Variants in DHX32 observed in about 807,000 individuals in gnomAD.
DHX32 encodes the protein putative pre-mRNA-splicing factor ATP-dependent RNA helicase DHX32.
DHX32 carries 51 observed loss-of-function variants against 70.0 expected under a neutral mutation model. That is an observed-to-expected ratio of 0.73 (90% CI 0.58 to 0.92). DHX32 has a LOEUF of 0.92. Among genes scored for constraint, DHX32 ranks in the 40% least tolerant of loss-of-function variants. The probability of loss-of-function intolerance (pLI) is 0.00; values close to 1 mark genes in which losing one functional copy is unlikely to be tolerated. For synonymous variants in DHX32, 310 were observed against 315.3 expected, an observed-to-expected ratio of 0.98 and a Z score of 0.18; for missense variants, 762 against 891.8, an observed-to-expected ratio of 0.85 and a Z score of 1.85.
chr10:125,884,434 A>C (rs1164739074), upstream of DHX32, among the ~76,000 whole-genome samples: 1 of 152,260 alleles, frequency 6.6e-6, no homozygotes, highest in Non-Finnish European at 1.5e-5. Flanking sequence ...CACTATAAGA[A>C]ATTTAAATCT....
intron 6 of DHX32, among the ~76,000 whole-genome samples, chr10:125,850,689 A>G (rs1027366644): frequency 2.0e-5 from 3 of 152,114 alleles, no homozygotes; most frequent in African/African-American, 7.2e-5. Context: ...CCCTGTTTTC[A>G]TGAGGCGTTG....
chr10:125,894,314 C>G (rs1944392811), intron 1 of DHX32, among the ~76,000 whole-genome samples: 1 of 152,114 alleles, frequency 6.6e-6, no homozygotes, highest in Non-Finnish European at 1.5e-5. Flanking sequence ...TCTCTAAAGC[C>G]CTTCTCACTC....
chr10:125,886,160 T>C (rs1330174301), upstream of DHX32, among the ~76,000 whole-genome samples: 2 of 152,284 alleles, frequency 1.3e-5, no homozygotes, highest in African/African-American at 2.4e-5. Flanking sequence ...TGTTCACCCT[T>C]CTGTATGTCT....
Position 125,838,201 on chromosome 10 carries a change from C to G in DHX32, c.2063+5G>C. 5.1e-6 allele frequency: 8 copies of G among 1,572,926 alleles called. No individual in the cohort carries two copies. The highest frequency in any genetic ancestry group is 6.9e-6 in the Non-Finnish European group (8 of 1,166,222). On this transcript the variant is annotated splice_donor_5th_base_variant and intron_variant, in intron 10 of 10. Coordinates refer to ENST00000284690, the MANE Select transcript of DHX32 (RefSeq NM_018180.3). ...ATACAACCCTTTCTTCTCCATTAAA[C>G]TTACAGTTCAGGAGAGATTTCTGAG...
intron 10 of DHX32, among the ~76,000 whole-genome samples, chr10:125,837,217 C>A (rs1374464990): frequency 1.3e-5 from 2 of 152,124 alleles, no homozygotes; most frequent in Non-Finnish European, 2.9e-5. Context: ...GGTATCTTTG[C>A]TTCTTATTTT....
chr10:125,847,384 T>G (rs1944035221), intron 6 of DHX32, among the ~76,000 whole-genome samples: 1 of 152,160 alleles, frequency 6.6e-6, no homozygotes, highest in Admixed American at 6.5e-5. Context: ...TCAGAAGAAT[T>G]TAATATATCC....
chr10:125,844,113 G>A (rs1423643487), intron 6 of DHX32, among the ~76,000 whole-genome samples: 2 of 152,120 alleles, frequency 1.3e-5, no homozygotes, highest in Non-Finnish European at 2.9e-5. Context: ...TCACAATCAT[G>A]GGAAATAAAC....
At chr10:125,846,692 A>G (rs1944026013) in intron 6 of DHX32, among the ~76,000 whole-genome samples, 1 of 152,200 alleles carries the variant, frequency 6.6e-6, no homozygotes, top group African/African-American at 2.4e-5. Flanking sequence ...TTCCATACTT[A>G]TAGGACAGGA....
intron 6 of DHX32, chr10:125,842,720 C>T (rs1854915864): frequency 3.2e-6 from 2 of 618,528 alleles, no homozygotes; most frequent in Non-Finnish European, 4.0e-6. Flanking sequence ...AAAAATTAAT[C>T]ACAACTGACC....
In DHX32 at chr10:125,857,096, G is replaced by A. The variant is rs1024767098; in HGVS notation, c.849+2507C>T. ...CAAGAAAGCATCAAATAGCATGGGGGGAAATGATCAATAGCTGTTAGCACT... is the reference window on the plus strand; with the variant it reads ...CAAGAAAGCATCAAATAGCATGGGGAGAAATGATCAATAGCTGTTAGCACT... On this transcript the variant is annotated intron_variant, in intron 3 of 10. Transcript: ENST00000284690. 4.6e-5 allele frequency among the ~76,000 whole-genome samples: 7 copies of A among 152,184 alleles called. 1 individual carries two copies.
intron 1 of DHX32, among the ~76,000 whole-genome samples, chr10:125,867,958 T>G (rs1944233408): frequency 6.6e-6 from 1 of 152,190 alleles, no homozygotes; most frequent in Admixed American, 6.5e-5. Context: ...CATTTATATT[T>G]AAATCCAAAT....
intron 1 of DHX32, among the ~76,000 whole-genome samples, chr10:125,892,934 C>A (rs951595112): frequency 2.0e-5 from 3 of 152,078 alleles, no homozygotes; most frequent in African/African-American, 7.2e-5. Flanking sequence ...AAGGTTTGAC[C>A]TCTCTATTAT....
intron 1 of DHX32, among the ~76,000 whole-genome samples, chr10:125,871,047 T>G (rs534610520): frequency 1.3e-5 from 2 of 152,312 alleles, no homozygotes; most frequent in South Asian, 4.1e-4. Context: ...AACTCTAAAA[T>G]TCGACAAGAT....
chr10:125,882,936 A>T (rs1329565466), upstream of DHX32, among the ~76,000 whole-genome samples: 3 of 152,182 alleles, frequency 2.0e-5, no homozygotes, highest in African/African-American at 4.8e-5. Flanking sequence ...CTCAGCCTAC[A>T]TGTAAATTAA....
rs918126546 is a variant in DHX32 at position 125,855,985 on chromosome 10, A to G, written c.850-1782T>C. Among the ~76,000 whole-genome samples the G allele has an allele frequency of 2.8e-4, 43 of 152,208 alleles. 1 individual carries two copies. Among genetic ancestry groups the G allele is most frequent in the Middle Eastern group, 3.2e-3 (1 of 316 alleles). On this transcript the variant is annotated intron_variant, in intron 3 of 10. Coordinates refer to ENST00000284690, the MANE Select transcript of DHX32 (RefSeq NM_018180.3). The stretch of plus-strand genomic sequence containing the variant: ...AAAAAAGAATTTTTAAAATCTTCAG[A>G]AGGGAAAAAGCAGAGCAAAACAGAA...
chr10:125,888,239 C>T (rs1199032747), intron 1 of DHX32, among the ~76,000 whole-genome samples: 1 of 149,554 alleles, frequency 6.7e-6, no homozygotes, highest in Admixed American at 6.6e-5. Flanking sequence ...GGTCTTACTC[C>T]GTCGCCCAGG....
intron 3 of DHX32, among the ~76,000 whole-genome samples, chr10:125,856,388 G>A (rs1944148257): frequency 1.3e-5 from 2 of 152,274 alleles, no homozygotes; most frequent in Admixed American, 6.5e-5. Context: ...AAATCTCAAT[G>A]TATGTTTTCT....
intron 1 of DHX32, among the ~76,000 whole-genome samples, chr10:125,871,385 TG>T (rs1357487909): frequency 6.6e-6 from 1 of 152,218 alleles, no homozygotes; most frequent in Non-Finnish European, 1.5e-5. Flanking sequence ...TCGTGCTTAA[TG>T]TAGGAATGTT....
intron 1 of DHX32, among the ~76,000 whole-genome samples, chr10:125,886,650 C>T (rs1944342515): frequency 1.3e-5 from 2 of 152,312 alleles, no homozygotes; most frequent in Non-Finnish European, 2.9e-5. Flanking sequence ...CACAAACCCA[C>T]AAACTGGAAT....
Sources: allele counts gnomAD v4.1 joint callset (sites outside exome capture counted in the v4.1 genomes callset), GRCh38; gene constraint gnomAD v4.1.1; transcripts MANE v1.5; gene names NCBI Gene and HGNC (gene_info 2026-07-23, HGNC 2026-07-21).